CLEC4G: variants seen among roughly 807,000 people sequenced by gnomAD.
CLEC4G encodes the protein C-type lectin superfamily 4, member G.
Under a neutral mutation model 37.0 loss-of-function variants are expected in CLEC4G, and 34 were observed. The ratio of observed to expected loss-of-function variants is 0.92; its 90% CI spans 0.70 to 1.22. The LOEUF is 1.22. CLEC4G is among the 50% of genes most tolerant of loss of function. The pLI is 0.00. For synonymous variants in CLEC4G, 167 were observed against 165.6 expected, an observed-to-expected ratio of 1.01 and a Z score of -0.06; for missense variants, 390 against 392.9, an observed-to-expected ratio of 0.99 and a Z score of 0.06.
At position 7,731,075 on chromosome 19, in the gene CLEC4G, C is replaced by A. The variant is rs755021458; in HGVS notation, c.234G>T (p.Thr78=). Reference sequence around the variant, plus strand: ...CCTCCTTCAGGGCACCCAGCGCCGCCGTCTGCTTCGAGGCTGGAACGACCC... The same window carrying A: ...CCTCCTTCAGGGCACCCAGCGCCGCAGTCTGCTTCGAGGCTGGAACGACCC... The part of the protein sequence containing the change: ...DLLRTNASKQ[T]AALGALKEEV... The change falls in exon 4 of 9, where the codon ACG becomes ACT. Residue 78 remains threonine, a synonymous_variant. Coordinates refer to ENST00000328853, the MANE Select transcript of CLEC4G (RefSeq NM_198492.4). 84 of 1,606,010 alleles carry A rather than the reference C, an allele frequency of 5.2e-5. No homozygotes were observed. Among genetic ancestry groups the A allele is most frequent in the Non-Finnish European group, 6.2e-5 (73 of 1,179,716 alleles).
chr19:7,731,627 C>A (rs766234539), intron 2 of CLEC4G, 34 bp downstream of exon 2: 1 of 1,608,570 alleles, frequency 6.2e-7, no homozygotes, highest in South Asian at 1.1e-5. Flanking sequence ...CCAGGGGGGC[C>A]GGATGCAACA....
In CLEC4G at chr19:7,730,960, G is replaced by T. The variant is rs2033421888; in HGVS notation, c.283+66C>A. On this transcript the variant is annotated intron_variant, in intron 4 of 8. Coordinates refer to ENST00000328853, the MANE Select transcript of CLEC4G (RefSeq NM_198492.4). This position sits in a 1 kb window ranked among gnomAD's most constrained non-coding sequence, Gnocchi z 7.3. ...CCACCCGCCGCAGGCCTCCGCCCCG[G>T]CCCCCCTCCCATCGCGGCCGCAAGA... is the stretch of plus-strand genomic sequence containing the variant. 6.7e-7 allele frequency: 1 copy of T among 1,484,414 alleles called. No individual in the cohort carries two copies. Among genetic ancestry groups the T allele is most frequent in the Admixed American group, 2.1e-5 (1 of 47,872 alleles). The allele number at this position is 1,484,414 out of a possible 1,614,324, so 92.0% of individuals were successfully genotyped here. A position where few individuals can be genotyped will look rare whatever the true frequency, so the allele number is the denominator to read the frequency against.
Position 7,729,483 on chromosome 19 carries a change from G to T in CLEC4G, c.765C>A (p.Pro255=). The change falls in exon 9 of 9, where the codon CCC becomes CCA. Residue 255 remains proline, a synonymous_variant. Transcript: ENST00000328853. The part of the protein sequence containing the change: ...LSFSHWNQGE[P]NDAWGRENCV... ...AGTTCTCGCGCCCCCAAGCGTCATT[G>T]GGCTCTCCCTGGTTCCAGTGGCTAC... is the stretch of plus-strand genomic sequence containing the variant. 2 of 1,606,536 alleles carry T rather than the reference G, an allele frequency of 1.2e-6. No homozygotes were observed. Among genetic ancestry groups the T allele is most frequent in the Non-Finnish European group, 1.7e-6 (2 of 1,173,892 alleles).
At chr19:7,731,623 G>A in intron 2 of CLEC4G, 38 bp downstream of exon 2, 1 of 1,607,968 alleles carries the variant, frequency 6.2e-7, no homozygotes, top group South Asian at 1.1e-5. Flanking sequence ...GTCCCCAGGG[G>A]GGCCGGATGC....
At chr19:7,729,679 C>T (rs2033396934) in intron 8 of CLEC4G, 142 bp downstream of exon 8, 1 of 1,434,918 alleles carries the variant, frequency 7.0e-7, no homozygotes, top group Non-Finnish European at 9.3e-7. Flanking sequence ...AGAATTTAAC[C>T]TGAGGACAGT....
chr19:7,729,442 TG>T lies in CLEC4G; in HGVS notation c.805del (p.His269ThrfsTer53). On this transcript the variant is annotated frameshift_variant, in exon 9 of 9. Transcript: ENST00000328853. LOFTEE classifies it low-confidence loss of function (END_TRUNC). ...CGGTGCGTCGTTCCACAGCCCCGTG[TG>T]CAGCATCATGACACAGTTCTCGCGC... is the stretch of plus-strand genomic sequence containing the variant. ...WGRENCVMML[H>X]TGLWNDAPCD... is the part of the protein sequence containing the mutation. 1 of 1,601,486 alleles carries T rather than the reference TG, an allele frequency of 6.2e-7. No homozygotes were observed. Among genetic ancestry groups the T allele is most frequent in the Non-Finnish European group, 8.6e-7 (1 of 1,168,626 alleles).
At chr19:7,729,580 G>T in intron 8 of CLEC4G, 76 bp from the exon 9 acceptor site, 1 of 1,277,710 alleles carries the variant, frequency 7.8e-7, no homozygotes, top group Non-Finnish European at 1.1e-6. Flanking sequence ...TTCCTCTTCA[G>T]GCTCTAGCCT....
At position 7,729,266 on chromosome 19, in the gene CLEC4G, G is replaced by GA. The variant is rs771357921; in HGVS notation, c.*99dup. The GA allele has an allele frequency of 1.2e-6, 1 of 831,406 alleles. No homozygotes were observed. Among genetic ancestry groups the GA allele is most frequent in the Non-Finnish European group, 2.1e-6 (1 of 480,680 alleles). The allele number at this position is 831,406 out of a possible 1,614,324, so 51.5% of individuals were successfully genotyped here. A position where few individuals can be genotyped will look rare whatever the true frequency, so the allele number is the denominator to read the frequency against. On this transcript the variant is annotated 3_prime_UTR_variant, in exon 9 of 9. Transcript: ENST00000328853. ...AGACTCAGCAGCGGTGGATGAGGAAGAAAAAACTCTTTGGCAATCAGCTCC... is the reference window on the plus strand; with the variant it reads ...AGACTCAGCAGCGGTGGATGAGGAAGAAAAAAACTCTTTGGCAATCAGCTCC...
chr19:7,729,805 G>A lies in CLEC4G; in HGVS notation c.743+16C>T. 6.2e-7 allele frequency: 1 copy of A among 1,613,870 alleles called. No homozygotes were observed. The highest frequency in any genetic ancestry group is 8.5e-7 in the Non-Finnish European group (1 of 1,179,888). ...CTGTCTCCCTCCCCAGGTCTCACCAGGAGCCTTTCCCTCACCTGAAGCTGA... is the reference window on the plus strand; with the variant it reads ...CTGTCTCCCTCCCCAGGTCTCACCAAGAGCCTTTCCCTCACCTGAAGCTGA... On this transcript the variant is annotated intron_variant, in intron 8 of 8. Transcript: ENST00000328853.
Position 7,731,097 on chromosome 19 carries a change from A to G in CLEC4G, c.221-9T>C. The G allele has an allele frequency of 6.2e-7, 1 of 1,601,318 alleles. No individual in the cohort carries two copies. On this transcript the variant is annotated splice_polypyrimidine_tract_variant and intron_variant, in intron 3 of 8. Transcript: ENST00000328853. ...CGCCGTCTGCTTCGAGGCTGGAACG[A>G]CCCCCGCCCCAAAATGCATGCCCCT...
Position 7,731,839 on chromosome 19 carries a change from G to T in CLEC4G, c.56-68C>A. On this transcript the variant is annotated intron_variant, in intron 1 of 8. Coordinates refer to ENST00000328853, the MANE Select transcript of CLEC4G (RefSeq NM_198492.4). ...CCCTGGAGGCCTGAGTTACTCCCAGGAAACTGAGATTCAGAGAAGTTAAGT... is the reference window on the plus strand; with the variant it reads ...CCCTGGAGGCCTGAGTTACTCCCAGTAAACTGAGATTCAGAGAAGTTAAGT... 5 of 1,558,176 alleles carry T rather than the reference G, an allele frequency of 3.2e-6. No individual in the cohort carries two copies. The South Asian group carries it at 5.9e-5, about 18-fold the overall frequency.
At chr19:7,729,564 C>A (rs1178075951) in intron 8 of CLEC4G, 60 bp from the exon 9 acceptor site, 16 of 1,361,746 alleles carry the variant, frequency 1.2e-5, no homozygotes, top group Non-Finnish European at 1.6e-5. Flanking sequence ...AACTCGGGGT[C>A]CCGCCTTCCT....
rs368441728 is a variant in CLEC4G, at chr19:7,729,481, T to A, written c.767A>T (p.Asn256Ile). 1.9e-6 allele frequency: 3 copies of A among 1,606,832 alleles called. No individual in the cohort carries two copies. The highest frequency in any genetic ancestry group is 2.6e-6 in the Non-Finnish European group (3 of 1,174,150). Residue 256 changes from asparagine (N) to isoleucine (I), a missense_variant, in exon 9 of 9, where the codon AAT becomes ATT. Physicochemically the swap from Asn to Ile is moderately radical, Grantham distance 149. Coordinates refer to ENST00000328853, the MANE Select transcript of CLEC4G (RefSeq NM_198492.4). ...ACAGTTCTCGCGCCCCCAAGCGTCA[T>A]TGGGCTCTCCCTGGTTCCAGTGGCT... Reference protein sequence around the residue: ...SFSHWNQGEPNDAWGRENCVM... With the variant: ...SFSHWNQGEPIDAWGRENCVM...
Position 7,730,486 on chromosome 19 carries a change from G to A in CLEC4G, c.389-46C>T. On this transcript the variant is annotated intron_variant, in intron 5 of 8. Coordinates refer to ENST00000328853, the MANE Select transcript of CLEC4G (RefSeq NM_198492.4). The surrounding 1 kb of genome is among the most constrained non-coding windows in gnomAD (Gnocchi z 7.3). ...GGATTATGGCTGGGGTCAGGGCCAG[G>A]ACCAGGGTCATGACTAGCTAAAGGT... 1.3e-6 allele frequency: 2 copies of A among 1,590,046 alleles called. No homozygotes were observed. The highest frequency in any genetic ancestry group is 1.7e-6 in the Non-Finnish European group (2 of 1,175,768).
At position 7,729,409 on chromosome 19, in the gene CLEC4G, C is replaced by T; in HGVS notation, c.839G>A (p.Ser280Asn). 6.2e-7 allele frequency: 1 copy of T among 1,608,942 alleles called. No individual in the cohort carries two copies. The highest frequency in any genetic ancestry group is 8.5e-7 in the Non-Finnish European group (1 of 1,175,440). ...TGLWNDAPCD[S>N]EKDGWICEKR... ...CTCACAGATCCAGCCGTCCTTCTCG[C>T]TGTCACACGGTGCGTCGTTCCACAG... Residue 280 changes from serine to asparagine, a missense_variant, in exon 9 of 9, where the codon AGC becomes AAC. Transcript: ENST00000328853.
In CLEC4G at chr19:7,731,789, G is replaced by A; in HGVS notation, c.56-18C>T. ...CCAGGGCCCTGGCATAACAAGGACG[G>A]CATGCTGGGTCCCCCAGAACTGAGC... On this transcript the variant is annotated intron_variant, in intron 1 of 8. Transcript: ENST00000328853. The A allele has an allele frequency of 6.2e-7, 1 of 1,607,546 alleles. No homozygotes were observed. The highest frequency in any genetic ancestry group is 8.5e-7 in the Non-Finnish European group (1 of 1,176,986).
Position 7,730,881 on chromosome 19 carries a change from G to A in CLEC4G, c.284-22C>T. ...GAGCCTGGGAGCCGCAGGGTGAGAG[G>A]GGCGAGGGCGGCGAGGATGGGGCGG... On this transcript the variant is annotated intron_variant, in intron 4 of 8. Transcript: ENST00000328853. This position sits in a 1 kb window ranked among gnomAD's most constrained non-coding sequence, Gnocchi z 7.3. 1 of 1,526,812 alleles carries A rather than the reference G, an allele frequency of 6.5e-7. No homozygotes were observed. The highest frequency in any genetic ancestry group is 1.2e-5 in the South Asian group (1 of 83,254). The allele number at this position is 1,526,812 out of a possible 1,614,324, so 94.6% of individuals were successfully genotyped here.
rs766542690 is a variant in CLEC4G, at chr19:7,731,755, C to A, written c.72G>T (p.Trp24Cys). Residue 24 changes from tryptophan to cysteine, a missense_variant, in exon 2 of 9, where the codon TGG becomes TGT. Trp to Cys is a radical substitution (Grantham distance 215). Coordinates refer to ENST00000328853, the MANE Select transcript of CLEC4G (RefSeq NM_198492.4). The part of the protein sequence containing the change: ...EEVPGGPWGR[W>C]VHWSRRPLFL... The stretch of plus-strand genomic sequence containing the variant: ...AGAGGGGTCTCCTGCTCCAGTGCAC[C>A]CAGCGTCCCCAGGGCCCTGGCATAA... 6.2e-7 allele frequency: 1 copy of A among 1,613,750 alleles called. No homozygotes were observed. The highest frequency in any genetic ancestry group is 8.5e-7 in the Non-Finnish European group (1 of 1,179,896).
In CLEC4G at chr19:7,729,088, T is replaced by A. The variant is rs1235960859; in HGVS notation, c.*278A>T. The A allele has an allele frequency of 3.5e-6, 2 of 566,386 alleles. No homozygotes were observed. Among genetic ancestry groups the A allele is most frequent in the African/African-American group, 3.7e-5 (2 of 53,888 alleles). The allele number at this position is 566,386 out of a possible 1,614,324, so 35.1% of individuals were successfully genotyped here. Reference sequence around the variant, plus strand: ...ACCTAACCTTGGTTAGGGAGAGAAGTGGAGGCATATCACGGGGACGCAGGA... The same window carrying A: ...ACCTAACCTTGGTTAGGGAGAGAAGAGGAGGCATATCACGGGGACGCAGGA... On this transcript the variant is annotated 3_prime_UTR_variant, in exon 9 of 9. Transcript: ENST00000328853.
Sources: gnomAD v4.1 joint callset for allele counts on GRCh38, gnomAD v4.1.1 for gene constraint, Gnocchi (gnomAD v3.1) non-coding constraint, MANE v1.5 for transcripts, NCBI Gene and HGNC (gene_info 2026-07-23, HGNC 2026-07-21) for gene names.